Variants in WDR26 observed in about 807,000 individuals in gnomAD.
WDR26 encodes the protein WD repeat-containing protein 26.
A neutral mutation model predicts 84.1 loss-of-function variants in WDR26; 5 were observed. The observed-to-expected ratio is 0.06, with a 90% CI of 0.03 to 0.13. WDR26 has a LOEUF of 0.13. WDR26 is among the 10% of genes least tolerant of loss of function. The pLI is 1.00. For synonymous variants in WDR26, 415 were observed against 389.6 expected (o/e 1.07, Z -0.77); for missense variants, 642 against 974.9 (o/e 0.66, Z 4.55).
At chr1:224,394,342 T>C (rs573895236) in intron 12 of WDR26, among the ~76,000 whole-genome samples, 1 of 152,252 alleles carries the variant, frequency 6.6e-6, no homozygotes, top group South Asian at 2.1e-4. Context: ...TCTATGGAAA[T>C]GGGAAGTGAC....
chr1:224,420,781 G>T (rs1197632838), intron 4 of WDR26, among the ~76,000 whole-genome samples: 1 of 151,982 alleles, frequency 6.6e-6, no homozygotes, highest in Non-Finnish European at 1.5e-5. Context: ...TGTATTTTTA[G>T]TAGAGACAGG....
intron 12 of WDR26, among the ~76,000 whole-genome samples, chr1:224,394,710 T>C (rs1306540806): frequency 1.3e-5 from 2 of 152,136 alleles, no homozygotes; most frequent in African/African-American, 2.4e-5. Context: ...TTAGCCACGA[T>C]GGTCTCCATC....
chr1:224,403,339 C>G (rs573613827), intron 8 of WDR26, among the ~76,000 whole-genome samples: 1 of 152,140 alleles, frequency 6.6e-6, no homozygotes, highest in Non-Finnish European at 1.5e-5. Context: ...CGTGAGCCAC[C>G]GCGCCCGGCC....
chr1:224,427,873 T>TA (rs1674273125), intron 3 of WDR26, among the ~76,000 whole-genome samples: 1 of 152,196 alleles, frequency 6.6e-6, no homozygotes, highest in East Asian at 1.9e-4. Flanking sequence ...GAAAACATTG[T>TA]AAAAATCAGA....
intron 3 of WDR26, among the ~76,000 whole-genome samples, chr1:224,429,037 G>A (rs751500339): frequency 1.8e-4 from 27 of 152,144 alleles, no homozygotes; most frequent in Admixed American, 4.6e-4. Context: ...GCTGGGGCGG[G>A]CGGATCACAA....
chr1:224,410,813 T>G (rs1391396165), intron 7 of WDR26, among the ~76,000 whole-genome samples: 1 of 149,722 alleles, frequency 6.7e-6, no homozygotes, highest in Non-Finnish European at 1.5e-5. Flanking sequence ...ATCCTCCCAC[T>G]TCATCCTCTT....
chr1:224,428,448 A>G (rs188538466), intron 3 of WDR26, among the ~76,000 whole-genome samples: 1 of 152,276 alleles, frequency 6.6e-6, no homozygotes, highest in East Asian at 1.9e-4. Context: ...AAAATATACT[A>G]GTTAATTATA....
intron 12 of WDR26, among the ~76,000 whole-genome samples, chr1:224,397,407 G>A (rs1168564117): frequency 2.0e-5 from 3 of 152,064 alleles, no homozygotes; most frequent in African/African-American, 4.8e-5. Flanking sequence ...AGTTCCTATC[G>A]CCTTAAAAAG....
rs117994557 is a variant in WDR26, at chr1:224,425,514, T to G, written c.928-860A>C. 1.7e-4 allele frequency among the ~76,000 whole-genome samples: 26 copies of G among 152,378 alleles called. No individual in the cohort carries two copies. The East Asian group carries it at 5.0e-3, about 29-fold the overall frequency. On this transcript the variant is annotated intron_variant, in intron 3 of 13. Transcript: ENST00000414423. Reference sequence around the variant, plus strand: ...TCACATTTAGTTTTTTCCTGAACTGTGTTTTTGACTTTAATACTTTTAAAT... The same window carrying G: ...TCACATTTAGTTTTTTCCTGAACTGGGTTTTTGACTTTAATACTTTTAAAT...
chr1:224,410,933 C>G (rs1673721533), intron 7 of WDR26, among the ~76,000 whole-genome samples: 2 of 152,074 alleles, frequency 1.3e-5, no homozygotes, highest in African/African-American at 4.8e-5. Context: ...CTCAAGTGAT[C>G]CTCCTGCCTC....
intron 3 of WDR26, chr1:224,429,341 A>G (rs1674320557): frequency 6.6e-6 from 1 of 152,190 alleles, no homozygotes; most frequent in Non-Finnish European, 1.5e-5. Flanking sequence ...GGGTCAATGA[A>G]AACATTCAGG....
At position 224,389,682 on chromosome 1, in the gene WDR26, ATGTT is replaced by A; in HGVS notation, c.*149_*152del. ...CTGGTTACTATGAAGCAAGGTGTAA[ATGTT>A]TGGCCCCAATCGGGCTTCAGAAATG... On this transcript the variant is annotated 3_prime_UTR_variant, in exon 14 of 14. Coordinates refer to ENST00000414423, the MANE Select transcript of WDR26 (RefSeq NM_001379403.1). The A allele has an allele frequency of 2.6e-6, 2 of 759,762 alleles. No homozygotes were observed. Among genetic ancestry groups the A allele is most frequent in the South Asian group, 1.5e-5 (1 of 66,470 alleles). The allele number at this position is 759,762 out of a possible 1,614,324, so 47.1% of individuals were successfully genotyped here. A position where few individuals can be genotyped will look rare whatever the true frequency, so the allele number is the denominator to read the frequency against.
intron 11 of WDR26, 48 bp downstream of exon 11, chr1:224,398,467 A>T: frequency 6.7e-7 from 1 of 1,494,404 alleles, no homozygotes; most frequent in Non-Finnish European, 9.1e-7. Flanking sequence ...GTTAAAATAA[A>T]ACTTGTACTA....
rs1326443363 is a variant in WDR26 at position 224,433,916 on chromosome 1, G to A, written c.490C>T (p.Pro164Ser). The change falls in exon 1 of 14, where the codon CCC (proline) becomes TCC (serine). Residue 164 changes from proline to serine, a missense_variant. Pro to Ser is a moderately conservative substitution (Grantham distance 74). Around this residue, in one of 2 missense-constraint regions of WDR26, gnomAD observed 291 missense variants for 302.1 expected, o/e 0.96. Transcript: ENST00000414423. Reference sequence around the variant, plus strand: ...TTGCTATTGTTGCTGGCGGCGGAGGGGGCGGAAGGCAGGAGCCCATTGGCG... The same window carrying A: ...TTGCTATTGTTGCTGGCGGCGGAGGAGGCGGAAGGCAGGAGCCCATTGGCG... 8 of 1,536,446 alleles carry A rather than the reference G, an allele frequency of 5.2e-6. No homozygotes were observed. The highest frequency in any genetic ancestry group is 2.4e-5 in the East Asian group (1 of 40,906).
At position 224,411,424 on chromosome 1, in the gene WDR26, T is replaced by C. The variant is rs1416577860; in HGVS notation, c.1458+3A>G. 2 of 1,608,540 alleles carry C rather than the reference T, an allele frequency of 1.2e-6. No individual in the cohort carries two copies. The highest frequency in any genetic ancestry group is 4.5e-5 in the East Asian group (2 of 44,810). On this transcript the variant is annotated splice_donor_region_variant and intron_variant, in intron 7 of 13. Coordinates refer to ENST00000414423, the MANE Select transcript of WDR26 (RefSeq NM_001379403.1). ...ATATAAACACTCATATTGGGGTACA[T>C]ACCGGATCAACTTGCCATATGATAA...
Position 224,434,148 on chromosome 1 carries a change from G to A in WDR26, c.258C>T (p.Val86=). Residue 86 remains valine, a synonymous_variant, in exon 1 of 14, where the codon GTC becomes GTT. Coordinates refer to ENST00000414423, the MANE Select transcript of WDR26 (RefSeq NM_001379403.1). ...GGCTGTGGCCGCTACTTCGGTGGGG[G>A]ACAGCAGCGGCGGCGGGAGGGGCAG... The A allele has an allele frequency of 7.0e-7, 1 of 1,422,342 alleles. No individual in the cohort carries two copies. The highest frequency in any genetic ancestry group is 2.9e-5 in the Admixed American group (1 of 34,476). The allele number at this position is 1,422,342 out of a possible 1,614,324, so 88.1% of individuals were successfully genotyped here. A position where few individuals can be genotyped will look rare whatever the true frequency, so the allele number is the denominator to read the frequency against.
At chr1:224,429,863 A>G (rs1016818075) in intron 3 of WDR26, 37 of 152,234 alleles carry the variant, frequency 2.4e-4, no homozygotes, top group African/African-American at 8.9e-4. Flanking sequence ...TCAAATTACT[A>G]TAAACAAATA....
chr1:224,419,635 A>G lies in WDR26; in HGVS notation c.1065-20T>C, dbSNP rs1454981373. 6.4e-7 allele frequency: 1 copy of G among 1,570,592 alleles called. No individual in the cohort carries two copies. Among genetic ancestry groups the G allele is most frequent in the Middle Eastern group, 1.7e-4 (1 of 5,996 alleles). On this transcript the variant is annotated intron_variant, in intron 4 of 13. Transcript: ENST00000414423. Reference sequence around the variant, plus strand: ...AGATACCTAAAAATACAACAGAGAAAGCAACCAATATTAAACCCATTTCTT... The same window carrying G: ...AGATACCTAAAAATACAACAGAGAAGGCAACCAATATTAAACCCATTTCTT...
At chr1:224,399,339 T>C (rs144707240) in intron 9 of WDR26, among the ~76,000 whole-genome samples, 83 of 152,332 alleles carry the variant, frequency 5.4e-4, no homozygotes, top group Non-Finnish European at 1.1e-3. Context: ...AAGTAAGGTC[T>C]TACTTTTATT....
Sources: gnomAD v4.1 joint callset for allele counts (sites outside exome capture counted in the v4.1 genomes callset) on GRCh38, gnomAD v4.1.1 for gene constraint, gnomAD v4.1.1 regional missense constraint, MANE v1.5 for transcripts, NCBI Gene and HGNC (gene_info 2026-07-23, HGNC 2026-07-21) for gene names.